NUDC: variants seen among roughly 807,000 people sequenced by gnomAD.
The protein encoded by NUDC is nuclear distribution C, dynein complex regulator, also known as nuclear migration protein nudC.
Under a neutral mutation model 45.0 loss-of-function variants are expected in NUDC, and 14 were observed. The ratio of observed to expected loss-of-function variants is 0.31; its 90% CI spans 0.21 to 0.49. The LOEUF (loss-of-function observed/expected upper bound fraction) is 0.49, where lower values mean the gene tolerates loss of function less well. Among genes scored for constraint, NUDC ranks in the 20% least tolerant of loss-of-function variants. NUDC has a pLI of 0.99. For missense variants in NUDC, 323 were observed against 426.2 expected, an observed-to-expected ratio of 0.76 and a Z score of 2.13; for synonymous variants, 153 against 156.7, an observed-to-expected ratio of 0.98 and a Z score of 0.17.
In NUDC at chr1:26,945,592, CG is replaced by C; in HGVS notation, c.851del (p.Arg284ProfsTer7). 6.2e-7 allele frequency: 1 copy of C among 1,614,116 alleles called. No homozygotes were observed. Among genetic ancestry groups the C allele is most frequent in the African/African-American group, 1.3e-5 (1 of 75,020 alleles). Reference protein sequence around the residue: ...SKLSDLDSETRSMVEKMMYDQ... With the variant: ...SKLSDLDSETXSMVEKMMYDQ... The stretch of plus-strand genomic sequence containing the variant: ...GCTGTCAGACCTGGACAGTGAGACT[CG>C]CAGCATGGTGGAAAAGATGATGTAT... On this transcript the variant is annotated frameshift_variant, in exon 8 of 9. Coordinates refer to ENST00000321265, the MANE Select transcript of NUDC (RefSeq NM_006600.4). LOFTEE classifies it high-confidence loss of function.
At chr1:26,930,710 CA>C (rs35636381) in intron 2 of NUDC, among the ~76,000 whole-genome samples, 35,876 of 111,622 alleles carry the variant, frequency 0.32, 4,926 homozygotes, top group Middle Eastern at 0.39. Flanking sequence ...AACCCTGTCT[CA>C]AAAAAAAAAA....
chr1:26,946,108 C>G (rs1296033980), intron 8 of NUDC, 22 bp from the exon 9 acceptor site: 13 of 1,609,740 alleles, frequency 8.1e-6, no homozygotes, highest in Non-Finnish European at 1.1e-5. Flanking sequence ...TGAGCTGTTT[C>G]ATCTTGCTTC....
At chr1:26,903,786 G>T (rs534909553) in intron 2 of NUDC, among the ~76,000 whole-genome samples, 2 of 151,932 alleles carry the variant, frequency 1.3e-5, no homozygotes, top group African/African-American at 4.8e-5. Context: ...CGAGGTGGGC[G>T]GATCACAAGG....
intron 1 of NUDC, chr1:26,922,160 G>T: frequency 1.7e-6 from 1 of 588,150 alleles, no homozygotes; most frequent in South Asian, 2.0e-5. Flanking sequence ...TCGCATCCCT[G>T]AGCTTAGGAT....
intron 3 of NUDC, chr1:26,911,930 C>T: frequency 6.2e-7 from 1 of 1,614,246 alleles, no homozygotes; most frequent in Non-Finnish European, 8.5e-7. Context: ...CCCAAGCAGG[C>T]TGGTCGGAAT....
intron 4 of NUDC, 72 bp from the exon 5 acceptor site, chr1:26,942,588 C>T (rs1434546728): frequency 5.0e-6 from 8 of 1,600,508 alleles, no homozygotes; most frequent in African/African-American, 1.3e-5. Context: ...TAGCCCTGGG[C>T]TTGGCCCAGT....
chr1:26,911,773 C>A, intron 3 of NUDC: 1 of 1,603,252 alleles, frequency 6.2e-7, no homozygotes, highest in Non-Finnish European at 8.5e-7. Flanking sequence ...ATTGGGTCAC[C>A]TCTGGGGATG....
At chr1:26,918,902 C>T (rs146543318), upstream of NUDC, among the ~76,000 whole-genome samples, 430 of 152,038 alleles carry the variant, frequency 2.8e-3, no homozygotes, top group African/African-American at 9.8e-3. Context: ...CTCAGCCTCC[C>T]GTGTAGCTGG....
At chr1:26,910,088 G>A (rs2082019309) in intron 2 of NUDC, among the ~76,000 whole-genome samples, 1 of 152,154 alleles carries the variant, frequency 6.6e-6, no homozygotes, top group Admixed American at 6.6e-5. Context: ...TATGACGCAG[G>A]GAAGATGAAC....
intron 6 of NUDC, chr1:26,945,146 C>T (rs947025772): frequency 8.5e-6 from 5 of 588,706 alleles, no homozygotes; most frequent in Non-Finnish European, 1.2e-5. Flanking sequence ...TCCCTCCACC[C>T]TGGATGAATA....
At chr1:26,927,360 A>T (rs1211243167) in intron 2 of NUDC, among the ~76,000 whole-genome samples, 1 of 132,802 alleles carries the variant, frequency 7.5e-6, no homozygotes, top group Non-Finnish European at 1.6e-5. Flanking sequence ...CAGCCGCCTT[A>T]GCCTCCCAAA....
intron 2 of NUDC, among the ~76,000 whole-genome samples, chr1:26,935,732 G>A (rs1270226794): frequency 6.6e-6 from 1 of 151,748 alleles, no homozygotes; most frequent in Admixed American, 6.6e-5. Flanking sequence ...TTTTTATTGG[G>A]TATTTGATTA....
intron 8 of NUDC, 68 bp downstream of exon 8, chr1:26,945,754 TGAGTG>T: frequency 9.1e-7 from 1 of 1,094,344 alleles, no homozygotes. Context: ...GTGACAGCAG[TGAGTG>T]GATCACTGCG....
intron 1 of NUDC, among the ~76,000 whole-genome samples, chr1:26,900,920 A>G (rs976046545): frequency 2.6e-5 from 4 of 152,204 alleles, no homozygotes; most frequent in African/African-American, 9.7e-5. Flanking sequence ...TGAAAGTGCT[A>G]TGAGTTACTA....
At chr1:26,918,083 A>G (rs1395949701), upstream of NUDC, among the ~76,000 whole-genome samples, 1 of 151,778 alleles carries the variant, frequency 6.6e-6, no homozygotes, top group Non-Finnish European at 1.5e-5. Flanking sequence ...AGCTCATATC[A>G]TGGGGTTCAT....
At chr1:26,900,281 C>T in exon 1 of NUDC, 1 of 1,613,892 alleles carries the variant, frequency 6.2e-7, no homozygotes, top group Non-Finnish European at 8.5e-7. Flanking sequence ...GAGGGGCCCG[C>T]TCAGGCCGAT....
intron 6 of NUDC, among the ~76,000 whole-genome samples, chr1:26,944,193 C>T (rs888423527): frequency 8.6e-5 from 13 of 151,594 alleles, no homozygotes; most frequent in African/African-American, 2.4e-4. Flanking sequence ...CATGCCCAGC[C>T]CTTTCCCTGC....
At chr1:26,910,217 G>A (rs2082019988) in intron 2 of NUDC, among the ~76,000 whole-genome samples, 1 of 152,148 alleles carries the variant, frequency 6.6e-6, no homozygotes, top group Admixed American at 6.5e-5. Context: ...CTGTATCTGG[G>A]CAGTGCTTTT....
intron 8 of NUDC, 75 bp from the exon 9 acceptor site, chr1:26,946,055 A>T: frequency 7.0e-7 from 1 of 1,433,248 alleles, no homozygotes; most frequent in Non-Finnish European, 9.8e-7. Context: ...ATTAGACTTG[A>T]CACGGGGGTG....
Sources: allele counts gnomAD v4.1 joint callset (sites outside exome capture counted in the v4.1 genomes callset), GRCh38; gene constraint gnomAD v4.1.1; transcripts MANE v1.5; gene names NCBI Gene and HGNC (gene_info 2026-07-23, HGNC 2026-07-21).